ATG10: variants seen among roughly 807,000 people sequenced by gnomAD.
ATG10 encodes autophagy related 10.
ATG10 carries 30 observed loss-of-function variants against 32.1 expected under a neutral mutation model. The ratio of observed to expected loss-of-function variants is 0.94; its 90% CI spans 0.70 to 1.27. The LOEUF is 1.27. Among genes scored for constraint, ATG10 ranks in the 50% most tolerant of loss-of-function variants. The probability of loss-of-function intolerance (pLI) is 0.00; values close to 1 mark genes in which losing one functional copy is unlikely to be tolerated. For synonymous variants in ATG10, 87 were observed against 91.5 expected, an observed-to-expected ratio of 0.95 and a Z score of 0.28; for missense variants, 233 against 262.3, an observed-to-expected ratio of 0.89 and a Z score of 0.77.
intron 5 of ATG10, among the ~76,000 whole-genome samples, chr5:82,234,384 G>C (rs1211606231): frequency 6.6e-6 from 1 of 152,156 alleles, no homozygotes; most frequent in Non-Finnish European, 1.5e-5. Context: ...CCCTGCAGAA[G>C]CAGGGCTTAG....
At chr5:81,998,089 G>A (rs1761721952) in intron 2 of ATG10, among the ~76,000 whole-genome samples, 1 of 152,234 alleles carries the variant, frequency 6.6e-6, no homozygotes, top group South Asian at 2.1e-4. Context: ...ATAGTAATCA[G>A]ATTCCCCAAG....
In ATG10 at chr5:81,993,395, T is replaced by C. The variant is rs537444597; in HGVS notation, c.108+5717T>C. 3.4e-4 allele frequency among the ~76,000 whole-genome samples: 43 copies of C among 126,696 alleles called. 1 individual carries two copies. The highest frequency in any genetic ancestry group is 3.4e-3 in the Middle Eastern group (1 of 290). 83.1% of individuals were successfully genotyped at this position (126,696 alleles called of 152,430 possible). On this transcript the variant is annotated intron_variant, in intron 2 of 7. Transcript: ENST00000282185. ...TTTCTTTTCTTTTCTTTTCTTTTTT[T>C]TTCTTTTCTTTTCTTTTCTTTTCTT...
intron 3 of ATG10, among the ~76,000 whole-genome samples, chr5:82,146,708 G>A (rs1357062375): frequency 6.6e-6 from 1 of 150,680 alleles, no homozygotes; most frequent in Non-Finnish European, 1.5e-5. Flanking sequence ...TTATTAATCA[G>A]ATCTGTTGAA....
intron 3 of ATG10, among the ~76,000 whole-genome samples, chr5:82,089,826 A>G (rs1455307714): frequency 6.6e-6 from 1 of 152,086 alleles, no homozygotes. Flanking sequence ...GAATAGGAGA[A>G]CATAGTTACA....
intron 3 of ATG10, among the ~76,000 whole-genome samples, chr5:82,060,036 C>T (rs529333012): frequency 6.6e-6 from 1 of 152,186 alleles, no homozygotes; most frequent in Non-Finnish European, 1.5e-5. Flanking sequence ...ATTTGAAAAG[C>T]ACTAAAAAGT....
chr5:81,999,380 G>C (rs2089479008), intron 2 of ATG10, among the ~76,000 whole-genome samples: 1 of 152,064 alleles, frequency 6.6e-6, no homozygotes. Flanking sequence ...CACAGCTAAA[G>C]CAGTGATAAG....
At position 82,253,354 on chromosome 5, in the gene ATG10, C is replaced by T; in HGVS notation, c.592C>T (p.Pro198Ser). The change falls in exon 7 of 8, where the codon CCA becomes TCA. Residue 198 changes from proline (P) to serine (S), a missense_variant. Physicochemically the swap from Pro to Ser is moderately conservative, Grantham distance 74. Coordinates refer to ENST00000282185, the MANE Select transcript of ATG10 (RefSeq NM_031482.5). The part of the protein sequence containing the change: ...YITSWLSIVG[P>S]VVGLNLPLSY... ...CACATCATGGCTGAGCATTGTAGGG[C>T]CAGTTGTTGGGCTGAATCTACCTCT... The T allele has an allele frequency of 6.2e-7, 1 of 1,613,412 alleles. No individual in the cohort carries two copies. Among genetic ancestry groups the T allele is most frequent in the Non-Finnish European group, 8.5e-7 (1 of 1,179,330 alleles).
intron 3 of ATG10, among the ~76,000 whole-genome samples, chr5:82,151,291 A>G (rs1195018777): frequency 2.6e-5 from 4 of 152,188 alleles, no homozygotes; most frequent in Non-Finnish European, 4.4e-5. Flanking sequence ...GCTTTAAGCA[A>G]TCTTCCCTCC....
intron 3 of ATG10, among the ~76,000 whole-genome samples, chr5:82,091,874 AG>A (rs1312497744): frequency 6.6e-6 from 1 of 152,226 alleles, no homozygotes; most frequent in African/African-American, 2.4e-5. Context: ...TTACAAGACC[AG>A]GGTTAATTAC....
intron 5 of ATG10, among the ~76,000 whole-genome samples, chr5:82,197,797 C>G (rs139700412): frequency 7.2e-5 from 11 of 151,850 alleles, no homozygotes; most frequent in African/African-American, 2.7e-4. Flanking sequence ...ATGATTTGTT[C>G]AACCAAACTA....
At chr5:81,995,219 C>A (rs962034344) in intron 2 of ATG10, among the ~76,000 whole-genome samples, 3 of 152,196 alleles carry the variant, frequency 2.0e-5, no homozygotes, top group African/African-American at 7.2e-5. Context: ...CAACCTCCGG[C>A]TCCCAGGTTC....
At chr5:82,102,170 G>A (rs1765297257) in intron 3 of ATG10, among the ~76,000 whole-genome samples, 1 of 152,128 alleles carries the variant, frequency 6.6e-6, no homozygotes, top group Non-Finnish European at 1.5e-5. Context: ...TTTAAGATTT[G>A]TGGCACATGA....
At chr5:82,206,146 A>G (rs549906829) in intron 5 of ATG10, among the ~76,000 whole-genome samples, 3 of 152,268 alleles carry the variant, frequency 2.0e-5, no homozygotes, top group African/African-American at 7.2e-5. Flanking sequence ...GCTGACATGG[A>G]AGTCAAGAAA....
chr5:82,095,495 G>A (rs1489332817), intron 3 of ATG10, among the ~76,000 whole-genome samples: 19 of 152,106 alleles, frequency 1.2e-4, no homozygotes, highest in Admixed American at 1.2e-3. Context: ...TTATCATGGT[G>A]CAATTAGCAA....
chr5:82,164,333 T>C, intron 3 of ATG10, 66 bp from the exon 4 acceptor site: 2 of 1,456,410 alleles, frequency 1.4e-6, no homozygotes, highest in Non-Finnish European at 1.9e-6. Context: ...TCTCCTCTTT[T>C]CCTCTCCATG....
intron 2 of ATG10, among the ~76,000 whole-genome samples, chr5:82,034,721 C>T (rs1561265499): frequency 6.6e-6 from 1 of 152,058 alleles, no homozygotes; most frequent in East Asian, 1.9e-4. Context: ...CGCCTCGGCC[C>T]TTCCTGTTCC....
At chr5:82,087,667 A>G (rs1018809169) in intron 3 of ATG10, among the ~76,000 whole-genome samples, 2 of 152,158 alleles carry the variant, frequency 1.3e-5, no homozygotes, top group African/African-American at 4.8e-5. Flanking sequence ...ATCCACCCCA[A>G]CTGGACACTA....
intron 5 of ATG10, among the ~76,000 whole-genome samples, chr5:82,188,693 G>A (rs1023330654): frequency 2.6e-5 from 4 of 152,140 alleles, no homozygotes; most frequent in African/African-American, 9.7e-5. Context: ...CCAGAGGCAG[G>A]CAGAGGACCT....
rs1030361551 is a variant in ATG10 at position 82,157,680 on chromosome 5, A to C, written c.217-6719A>C. ...TTTCAGTGGTTTATCAGAAGGCTTCATCAGTCGTTATCACTTCTGAAAATA... is the reference window on the plus strand; with the variant it reads ...TTTCAGTGGTTTATCAGAAGGCTTCCTCAGTCGTTATCACTTCTGAAAATA... On this transcript the variant is annotated intron_variant, in intron 3 of 7. Transcript: ENST00000282185. Among the ~76,000 whole-genome samples the C allele has an allele frequency of 9.2e-5, 14 of 152,332 alleles. 1 individual carries two copies. The Middle Eastern group carries it at 0.017, about 185-fold the overall frequency.
Sources: allele counts gnomAD v4.1 joint callset (sites outside exome capture counted in the v4.1 genomes callset), GRCh38; gene constraint gnomAD v4.1.1; transcripts MANE v1.5; gene names NCBI Gene and HGNC (gene_info 2026-07-23, HGNC 2026-07-21).